TOP1: variants seen among roughly 807,000 people sequenced by gnomAD.
TOP1 encodes DNA topoisomerase 1.
In TOP1, 10 loss-of-function variants were observed where a neutral mutation model predicts 111.1. The observed-to-expected ratio is 0.09, with a 90% CI of 0.06 to 0.15. TOP1 has a LOEUF of 0.15. Ranked by LOEUF, TOP1 falls within the 10% of genes least tolerant of loss-of-function variation. The pLI, the probability that TOP1 is intolerant of heterozygous loss-of-function variation, is 1.00. For synonymous variants in TOP1, 271 were observed against 302.9 expected (o/e 0.89, Z 1.10); for missense variants, 474 against 926.7 (o/e 0.51, Z 6.34).
At chr20:41,072,405 A>G in intron 3 of TOP1, 1 of 985,426 alleles carries the variant, frequency 1.0e-6, no homozygotes, top group Non-Finnish European at 1.2e-6. Context: ...AAAGTCAAAC[A>G]TATCCTAAGC....
At chr20:41,088,864 T>C (rs2145943520) in intron 8 of TOP1, among the ~76,000 whole-genome samples, 1 of 152,174 alleles carries the variant, frequency 6.6e-6, no homozygotes, top group East Asian at 1.9e-4. Flanking sequence ...ACATATGACA[T>C]AACATTTATC....
At position 41,098,460 on chromosome 20, in the gene TOP1, A is replaced by C; in HGVS notation, c.975+123A>C. On this transcript the variant is annotated intron_variant, in intron 11 of 20. Coordinates refer to ENST00000361337, the MANE Select transcript of TOP1 (RefSeq NM_003286.4). This position sits in a 1 kb window ranked among gnomAD's most constrained non-coding sequence, Gnocchi z 5.7. ...AATTTCACATCATTCTATGCTAAAG[A>C]CTTAGAGTTCTCAAAGTCTAAATTT... The C allele has an allele frequency of 8.9e-7, 1 of 1,125,336 alleles. No homozygotes were observed. Among genetic ancestry groups the C allele is most frequent in the Non-Finnish European group, 1.3e-6 (1 of 798,558 alleles). 69.7% of individuals were successfully genotyped at this position (1,125,336 alleles called of 1,614,324 possible).
chr20:41,029,563 T>G lies in TOP1; in HGVS notation c.58+108T>G. 1 of 867,706 alleles carries G rather than the reference T, an allele frequency of 1.2e-6. No homozygotes were observed. Among genetic ancestry groups the G allele is most frequent in the Non-Finnish European group, 1.9e-6 (1 of 540,448 alleles). 53.8% of individuals were successfully genotyped at this position (867,706 alleles called of 1,614,324 possible). A position where few individuals can be genotyped will look rare whatever the true frequency, so the allele number is the denominator to read the frequency against. On this transcript the variant is annotated intron_variant, in intron 2 of 20. Transcript: ENST00000361337. The surrounding 1 kb of genome is among the most constrained non-coding windows in gnomAD (Gnocchi z 6.1). ...CAGACATGGCGTCCCAGAGACTAAG[T>G]CCCGGCTCCTCGCTCACCGGCCCCA...
chr20:41,033,473 T>TA (rs1483545659), intron 2 of TOP1, among the ~76,000 whole-genome samples: 1 of 152,150 alleles, frequency 6.6e-6, no homozygotes, highest in Admixed American at 6.5e-5. Flanking sequence ...TAACATGTCT[T>TA]AAAGTTTATA....
In TOP1 at chr20:41,028,963, C is replaced by T; in HGVS notation, c.-105C>T. On this transcript the variant is annotated 5_prime_UTR_variant, in exon 1 of 21. Transcript: ENST00000361337. Reference sequence around the variant, plus strand: ...CACAGTCACCGCCGCTTACCTGCGCCTCCTCGAGCCTCCGGAGTCCCCGTC... The same window carrying T: ...CACAGTCACCGCCGCTTACCTGCGCTTCCTCGAGCCTCCGGAGTCCCCGTC... The T allele has an allele frequency of 2.1e-6, 2 of 954,286 alleles. No individual in the cohort carries two copies. The highest frequency in any genetic ancestry group is 3.2e-6 in the Non-Finnish European group (2 of 631,012). 59.1% of individuals were successfully genotyped at this position (954,286 alleles called of 1,614,324 possible).
At chr20:41,084,650 A>G in intron 8 of TOP1, 82 bp downstream of exon 8, 2 of 771,132 alleles carry the variant, frequency 2.6e-6, no homozygotes, top group Non-Finnish European at 4.0e-6. Flanking sequence ...TATTAAAATT[A>G]ATATCCTGAT....
rs1175394713 is a variant in TOP1, at chr20:41,081,194, C to T, written c.461C>T (p.Thr154Ile). ...GATTATAAACCTAAGAAAATTAAAA[C>T]AGAAGATACCAAGAAGGAGAAGAAA... ...DADYKPKKIK[T>I]EDTKKEKKRK... Residue 154 changes from threonine (T) to isoleucine (I), a missense_variant, in exon 7 of 21, where the codon ACA becomes ATA. Around this residue, in one of 14 missense-constraint regions of TOP1, gnomAD observed 185 missense variants for 226.3 expected, o/e 0.82. Coordinates refer to ENST00000361337, the MANE Select transcript of TOP1 (RefSeq NM_003286.4). 3.1e-6 allele frequency: 5 copies of T among 1,598,998 alleles called. No individual in the cohort carries two copies. Among genetic ancestry groups the T allele is most frequent in the South Asian group, 1.1e-5 (1 of 90,348 alleles).
chr20:41,108,355 AAAATT>A (rs747550152), intron 13 of TOP1, among the ~76,000 whole-genome samples: 1 of 152,206 alleles, frequency 6.6e-6, no homozygotes, highest in African/African-American at 2.4e-5. Context: ...GACAATTTAA[AAAATT>A]AAAGGAATCA....
At position 41,122,371 on chromosome 20, in the gene TOP1, G is replaced by A. The variant is rs1052789493; in HGVS notation, c.2195+216G>A. On this transcript the variant is annotated intron_variant, in intron 20 of 20. Coordinates refer to ENST00000361337, the MANE Select transcript of TOP1 (RefSeq NM_003286.4). The surrounding 1 kb of genome is among the most constrained non-coding windows in gnomAD (Gnocchi z 5.4). ...TGGTTGCTCCTAAATGGTCAGTGCT[G>A]TTACACTGCCTTGTAGTGTATATTT... Among the ~76,000 whole-genome samples the A allele has an allele frequency of 6.6e-6, 1 of 152,182 alleles. No homozygotes were observed. The highest frequency in any genetic ancestry group is 6.5e-5 in the Admixed American group (1 of 15,280).
intron 8 of TOP1, among the ~76,000 whole-genome samples, chr20:41,091,992 A>C (rs2033926484): frequency 6.6e-6 from 1 of 152,198 alleles, no homozygotes; most frequent in African/African-American, 2.4e-5. Context: ...CCTTAAACTC[A>C]ACATGCCCCA....
In TOP1 at chr20:41,114,556, C is replaced by CCATTGAATATAT. The variant is rs1232273836; in HGVS notation, c.1638+401_1638+402insCATTGAATATAT. Among the ~76,000 whole-genome samples, 8 of 152,242 alleles carry CCATTGAATATAT rather than the reference C, an allele frequency of 5.3e-5. No individual in the cohort carries two copies. The highest frequency in any genetic ancestry group is 4.6e-4 in the Admixed American group (7 of 15,284). On this transcript the variant is annotated intron_variant, in intron 15 of 20. Coordinates refer to ENST00000361337, the MANE Select transcript of TOP1 (RefSeq NM_003286.4). This position sits in a 1 kb window ranked among gnomAD's most constrained non-coding sequence, Gnocchi z 4.5. ...GGTAAGGAGTGGCCTTCTCCTATAG[C>CCATTGAATATAT]AGTATTCAATGGAGCATGCTGTAGA...
At position 41,095,232 on chromosome 20, in the gene TOP1, AG is replaced by A. The variant is rs2033967514; in HGVS notation, c.731-1987del. Among the ~76,000 whole-genome samples the A allele has an allele frequency of 6.6e-6, 1 of 152,066 alleles. No individual in the cohort carries two copies. Among genetic ancestry groups the A allele is most frequent in the African/African-American group, 2.4e-5 (1 of 41,408 alleles). The stretch of plus-strand genomic sequence containing the variant: ...CACACCTAAGTTTTGTATTTTTAAT[AG>A]AGACAGGGTTTTACCATGTTGGTCA... On this transcript the variant is annotated intron_variant, in intron 9 of 20. Transcript: ENST00000361337. This position sits in a 1 kb window ranked among gnomAD's most constrained non-coding sequence, Gnocchi z 4.6.
chr20:41,075,746 A>G lies in TOP1; in HGVS notation c.156-425A>G, dbSNP rs60020050. Among the ~76,000 whole-genome samples, 546 of 152,346 alleles carry G rather than the reference A, an allele frequency of 3.6e-3. 3 individuals carry two copies. The highest frequency in any genetic ancestry group is 0.013 in the African/African-American group (522 of 41,580). ...TCCACTGTATTGGGCTGTTTACTCC[A>G]TAAACCCTGGCTTGGCTACATGTGT... On this transcript the variant is annotated intron_variant, in intron 3 of 20. Transcript: ENST00000361337.
rs370473255 is a variant in TOP1, at chr20:41,112,944, C to T, written c.1452+19C>T. 99 of 1,612,090 alleles carry T rather than the reference C, an allele frequency of 6.1e-5. No homozygotes were observed. The highest frequency in any genetic ancestry group is 1.3e-4 in the South Asian group (12 of 90,778). ...CGACAAGGTGAGAGCATCTTCCCATCGGCATTGTCTAGTGTTGAGCTTAAC... is the reference window on the plus strand; with the variant it reads ...CGACAAGGTGAGAGCATCTTCCCATTGGCATTGTCTAGTGTTGAGCTTAAC... On this transcript the variant is annotated intron_variant, in intron 14 of 20. Coordinates refer to ENST00000361337, the MANE Select transcript of TOP1 (RefSeq NM_003286.4). The surrounding 1 kb of genome is among the most constrained non-coding windows in gnomAD (Gnocchi z 5.8).
intron 8 of TOP1, among the ~76,000 whole-genome samples, chr20:41,089,395 T>C (rs2033891130): frequency 6.6e-6 from 1 of 152,176 alleles, no homozygotes; most frequent in African/African-American, 2.4e-5. Context: ...TTAGGTACCT[T>C]GTATTAATAG....
At chr20:41,117,955 C>A (rs977081111) in intron 17 of TOP1, among the ~76,000 whole-genome samples, 1 of 152,086 alleles carries the variant, frequency 6.6e-6, no homozygotes, top group African/African-American at 2.4e-5. Flanking sequence ...GGAATTTACC[C>A]AGGCCAAGCT....
chr20:41,038,356 A>G (rs1201833453), intron 2 of TOP1, among the ~76,000 whole-genome samples: 2 of 152,202 alleles, frequency 1.3e-5, no homozygotes, highest in Non-Finnish European at 2.9e-5. Flanking sequence ...GGATTACTTT[A>G]TGAAAGGTGA....
rs749554861 is a variant in TOP1, at chr20:41,097,211, T to C, written c.731-9T>C. On this transcript the variant is annotated splice_polypyrimidine_tract_variant and intron_variant, in intron 9 of 20. Coordinates refer to ENST00000361337, the MANE Select transcript of TOP1 (RefSeq NM_003286.4). The surrounding 1 kb of genome is among the most constrained non-coding windows in gnomAD (Gnocchi z 4.2). ...ATACCTCACTTTTTGGAACCACTTT[T>C]TTCTCTAGGTAAAGTCATGAAGCTG... The C allele has an allele frequency of 3.1e-6, 5 of 1,610,856 alleles. No individual in the cohort carries two copies. Among genetic ancestry groups the C allele is most frequent in the Admixed American group, 1.7e-5 (1 of 58,956 alleles).
Position 41,098,914 on chromosome 20 carries a change from A to G in TOP1, c.975+577A>G, listed in dbSNP as rs1045718447. ...TATCTACGGCTGTGTTTATGCAACA[A>G]TGACAGAGATGAGTAGTTGCAAAAG... On this transcript the variant is annotated intron_variant, in intron 11 of 20. Coordinates refer to ENST00000361337, the MANE Select transcript of TOP1 (RefSeq NM_003286.4). This position sits in a 1 kb window ranked among gnomAD's most constrained non-coding sequence, Gnocchi z 5.7. 23 of 152,170 alleles carry G rather than the reference A, an allele frequency of 1.5e-4. No individual in the cohort carries two copies. Among genetic ancestry groups the G allele is most frequent in the African/African-American group, 4.8e-4 (20 of 41,434 alleles). 9.4% of individuals were successfully genotyped at this position (152,170 alleles called of 1,614,324 possible).
Sources: gnomAD v4.1 joint callset for allele counts (sites outside exome capture counted in the v4.1 genomes callset) on GRCh38, gnomAD v4.1.1 for gene constraint, gnomAD v4.1.1 regional missense constraint, Gnocchi (gnomAD v3.1) non-coding constraint, MANE v1.5 for transcripts, NCBI Gene and HGNC (gene_info 2026-07-23, HGNC 2026-07-21) for gene names.